NRAS: variants seen among roughly 807,000 people sequenced by gnomAD.
The protein encoded by NRAS is GTPase NRas.
In NRAS, 6 loss-of-function variants were observed where a neutral mutation model predicts 21.3. That is an observed-to-expected ratio of 0.28 (90% CI 0.15 to 0.56). NRAS has a LOEUF of 0.56. NRAS is among the 20% of genes least tolerant of loss of function. The pLI is 0.93. For missense variants in NRAS, 143 were observed against 231.3 expected (o/e 0.62, Z 2.48); for synonymous variants, 84 against 82.0 (o/e 1.02, Z -0.13).
At position 114,710,247 on chromosome 1, in the gene NRAS, TATATTATATATAA is replaced by T. The variant is rs1256386185; in HGVS notation, c.291-532_291-520del. Among the ~76,000 whole-genome samples the T allele has an allele frequency of 3.3e-4, 35 of 105,008 alleles. No homozygotes were observed. The East Asian group carries it at 6.7e-3, about 20-fold the overall frequency. The allele number at this position is 105,008 out of a possible 152,430, so 68.9% of individuals were successfully genotyped here. ...TATATAAAAATAAATATATATTATA[TATATTATATATAA>T]ATATATATTTATATATAATTTATAA... On this transcript the variant is annotated intron_variant, in intron 3 of 6. Coordinates refer to ENST00000369535, the MANE Select transcript of NRAS (RefSeq NM_002524.5).
intron 1 of NRAS, 125 bp downstream of exon 1, chr1:114,716,533 A>T (rs559841854): frequency 4.3e-4 from 154 of 356,226 alleles, no homozygotes; most frequent in Non-Finnish European, 7.7e-4. Context: ...GTAGGCACCA[A>T]ATGGAAGGAC....
intron 2 of NRAS, 103 bp from the exon 3 acceptor site, chr1:114,714,081 A>T (rs1659106220): frequency 4.1e-6 from 3 of 737,742 alleles, no homozygotes; most frequent in African/African-American, 3.5e-5. Flanking sequence ...TAAGCATCTA[A>T]CTATTCAAGC....
intron 6 of NRAS, 27 bp from the exon 7 acceptor site, chr1:114,708,077 G>A (rs2101737551): frequency 5.5e-6 from 1 of 181,872 alleles, no homozygotes; most frequent in African/African-American, 2.4e-5. Flanking sequence ...ATTTGTATAA[G>A]TGACACATTC....
intron 3 of NRAS, among the ~76,000 whole-genome samples, chr1:114,711,605 C>CA (rs371081462): frequency 2.0e-3 from 116 of 59,284 alleles, no homozygotes; most frequent in Non-Finnish European, 2.9e-3. Flanking sequence ...AACTCCGTCT[C>CA]AAAAAAAAAA....
At chr1:114,716,318 A>T in intron 1 of NRAS, 141 bp from the exon 2 acceptor site, 1 of 693,036 alleles carries the variant, frequency 1.4e-6, no homozygotes, top group Non-Finnish European at 2.6e-6. Flanking sequence ...AAAACACCGG[A>T]TTAATATCGG....
intron 3 of NRAS, among the ~76,000 whole-genome samples, chr1:114,710,367 A>C (rs1659019930): frequency 6.8e-6 from 1 of 146,442 alleles, no homozygotes. Flanking sequence ...AATATATATT[A>C]TAGCTGGGTG....
chr1:114,710,600 G>C (rs1659025885), intron 3 of NRAS, among the ~76,000 whole-genome samples: 1 of 152,058 alleles, frequency 6.6e-6, no homozygotes, highest in African/African-American at 2.4e-5. Context: ...AGAGAGACAA[G>C]ATTTCAGGAA....
Position 114,704,664 on chromosome 1 carries a change from A to T in NRAS, c.*3430T>A, listed in dbSNP as rs539638523. On this transcript the variant is annotated 3_prime_UTR_variant, in exon 7 of 7. Transcript: ENST00000369535. ...ACAGCAGAATTGCACAATTATTTTTACCTATATTTGATGGCACAAAAAAAT... is the reference window on the plus strand; with the variant it reads ...ACAGCAGAATTGCACAATTATTTTTTCCTATATTTGATGGCACAAAAAAAT... 1.4e-4 allele frequency: 22 copies of T among 152,362 alleles called. No individual in the cohort carries two copies. Among genetic ancestry groups the T allele is most frequent in the Middle Eastern group, 3.4e-3 (1 of 294 alleles). The allele number at this position is 152,362 out of a possible 1,614,324, so 9.4% of individuals were successfully genotyped here. A position where few individuals can be genotyped will look rare whatever the true frequency, so the allele number is the denominator to read the frequency against.
chr1:114,711,005 C>T (rs1025753564), intron 3 of NRAS, among the ~76,000 whole-genome samples: 1 of 152,162 alleles, frequency 6.6e-6, no homozygotes, highest in African/African-American at 2.4e-5. Flanking sequence ...ACATTTTCTT[C>T]AAATAAATTG....
At chr1:114,709,474 G>C (rs1014548653) in intron 4 of NRAS, 95 bp downstream of exon 4, 4 of 1,013,144 alleles carry the variant, frequency 3.9e-6, no homozygotes, top group Non-Finnish European at 6.0e-6. Context: ...TGAAAAAAAT[G>C]CATAACAACA....
intron 3 of NRAS, among the ~76,000 whole-genome samples, chr1:114,710,873 G>A (rs1659030456): frequency 6.6e-6 from 1 of 152,202 alleles, no homozygotes; most frequent in Non-Finnish European, 1.5e-5. Context: ...CTGGCAACTA[G>A]AAATCACCCT....
Position 114,705,643 on chromosome 1 carries a change from A to C in NRAS, c.*2451T>G, listed in dbSNP as rs1318451967. On this transcript the variant is annotated 3_prime_UTR_variant, in exon 7 of 7. Transcript: ENST00000369535. ...CCTAGGTGTAACTTTTTTTTTGGAGACAAGTCTCTCTTGTCACCCAGGCTG... is the reference window on the plus strand; with the variant it reads ...CCTAGGTGTAACTTTTTTTTTGGAGCCAAGTCTCTCTTGTCACCCAGGCTG... 2.6e-5 allele frequency: 4 copies of C among 151,942 alleles called. No homozygotes were observed. The highest frequency in any genetic ancestry group is 9.7e-5 in the African/African-American group (4 of 41,362). The allele number at this position is 151,942 out of a possible 1,614,324, so 9.4% of individuals were successfully genotyped here. A position where few individuals can be genotyped will look rare whatever the true frequency, so the allele number is the denominator to read the frequency against.
intron 2 of NRAS, among the ~76,000 whole-genome samples, chr1:114,714,201 G>A (rs1659108852): frequency 6.6e-6 from 1 of 152,130 alleles, no homozygotes; most frequent in Non-Finnish European, 1.5e-5. Context: ...CTATATGCCT[G>A]CAGAAAAGAA....
chr1:114,713,749 A>C, intron 3 of NRAS, 51 bp downstream of exon 3: 1 of 1,472,986 alleles, frequency 6.8e-7, no homozygotes. Flanking sequence ...TTCCCCATAA[A>C]GATTCAGAAC....
intron 2 of NRAS, 105 bp downstream of exon 2, chr1:114,715,945 A>G: frequency 2.5e-6 from 2 of 784,542 alleles, no homozygotes; most frequent in Non-Finnish European, 4.6e-6. Flanking sequence ...ACCCAAAATA[A>G]CTTTTTACTT....
At chr1:114,714,485 C>T (rs1211443424) in intron 2 of NRAS, among the ~76,000 whole-genome samples, 1 of 151,966 alleles carries the variant, frequency 6.6e-6, no homozygotes, top group African/African-American at 2.4e-5. Flanking sequence ...ACAGATGTAC[C>T]TTTGGGAAAT....
rs1382978107 is a variant in NRAS, at chr1:114,707,185, G to T, written c.*909C>A. ...ATAGGTAGTAACCTATGAAAAAAGT[G>T]GAGATTAGGTAAAAATTATTAAGTG... On this transcript the variant is annotated 3_prime_UTR_variant, in exon 7 of 7. Coordinates refer to ENST00000369535, the MANE Select transcript of NRAS (RefSeq NM_002524.5). The T allele has an allele frequency of 6.6e-6, 1 of 152,570 alleles. No individual in the cohort carries two copies. Among genetic ancestry groups the T allele is most frequent in the Non-Finnish European group, 1.5e-5 (1 of 68,010 alleles). The allele number at this position is 152,570 out of a possible 1,614,324, so 9.5% of individuals were successfully genotyped here.
chr1:114,716,342 GAGT>G (rs1659166618), intron 1 of NRAS, among the ~76,000 whole-genome samples, 165 bp from the exon 2 acceptor site: 1 of 152,140 alleles, frequency 6.6e-6, no homozygotes, highest in South Asian at 2.1e-4. Flanking sequence ...CACACTTCTG[GAGT>G]AGTTTTCTAG....
In NRAS at chr1:114,706,060, CAGA is replaced by C. The variant is rs1221060849; in HGVS notation, c.*2031_*2033del. ...GGAAAATTACAGAGTAGCACTGCTC[CAGA>C]AGGAGCAGAAACAGAAAAGCAGAAT... On this transcript the variant is annotated 3_prime_UTR_variant, in exon 7 of 7. Transcript: ENST00000369535. 6.6e-6 allele frequency: 1 copy of C among 152,126 alleles called. No homozygotes were observed. 9.4% of individuals were successfully genotyped at this position (152,126 alleles called of 1,614,324 possible).
Sources: gnomAD v4.1 joint callset for allele counts (sites outside exome capture counted in the v4.1 genomes callset) on GRCh38, gnomAD v4.1.1 for gene constraint, MANE v1.5 for transcripts, NCBI Gene and HGNC (gene_info 2026-07-23, HGNC 2026-07-21) for gene names.